Variants in CAP2 observed in about 807,000 individuals in gnomAD.
CAP2 encodes adenylyl cyclase-associated protein 2.
In CAP2, 24 loss-of-function variants were observed where a neutral mutation model predicts 57.7. The ratio of observed to expected loss-of-function variants is 0.42; its 90% CI spans 0.30 to 0.58. CAP2 has a LOEUF of 0.58. Ranked by LOEUF, CAP2 falls within the 20% of genes least tolerant of loss-of-function variation. The pLI is 0.22. For synonymous variants in CAP2, 194 were observed against 207.2 expected, an observed-to-expected ratio of 0.94 and a Z score of 0.55; for missense variants, 501 against 590.3, an observed-to-expected ratio of 0.85 and a Z score of 1.57.
rs79036567 is a variant in CAP2 at position 17,395,889 on chromosome 6, T to G, written c.-2+2143T>G. ...ATAGCTCATAGAATGGGAGGAAATA[T>G]TTAGGAATCATGTATCTGATAAGGG... On this transcript the variant is annotated intron_variant, in intron 1 of 12. Transcript: ENST00000229922. Among the ~76,000 whole-genome samples, 1,190 of 152,232 alleles carry G rather than the reference T, an allele frequency of 7.8e-3. 17 individuals carry two copies. The highest frequency in any genetic ancestry group is 0.027 in the African/African-American group (1,125 of 41,544).
At position 17,421,218 on chromosome 6, in the gene CAP2, C is replaced by T. The variant is rs192811212; in HGVS notation, c.-1-337C>T. Reference sequence around the variant, plus strand: ...ACGCAAAGGCATAAGAATGATATAACGGACTTTGGGGACTTGGGGAAAGGT... The same window carrying T: ...ACGCAAAGGCATAAGAATGATATAATGGACTTTGGGGACTTGGGGAAAGGT... On this transcript the variant is annotated intron_variant, in intron 1 of 12. Transcript: ENST00000229922. 1.1e-4 allele frequency among the ~76,000 whole-genome samples: 16 copies of T among 152,054 alleles called. No homozygotes were observed. In the East Asian group the frequency reaches 2.3e-3, roughly 22 times the overall value.
chr6:17,405,200 G>T (rs1758928195), intron 1 of CAP2, among the ~76,000 whole-genome samples: 1 of 152,096 alleles, frequency 6.6e-6, no homozygotes, highest in Admixed American at 6.6e-5. Context: ...TGGCCAACAT[G>T]GTGAAACCCC....
chr6:17,491,830 C>T (rs1434432458), intron 4 of CAP2, among the ~76,000 whole-genome samples: 1 of 152,208 alleles, frequency 6.6e-6, no homozygotes, highest in Non-Finnish European at 1.5e-5. Context: ...ATATAGAATA[C>T]AAAGTACAGT....
intron 7 of CAP2, among the ~76,000 whole-genome samples, chr6:17,521,258 C>CA (rs71536733): frequency 0.33 from 49,300 of 147,480 alleles, 8,593 homozygotes; most frequent in African/African-American, 0.47. Context: ...ACTAAAAATA[C>CA]AAAAAAAAAA....
At chr6:17,511,414 T>C (rs962175358) in intron 6 of CAP2, among the ~76,000 whole-genome samples, 21 of 152,288 alleles carry the variant, frequency 1.4e-4, no homozygotes, top group African/African-American at 5.1e-4. Flanking sequence ...TGTGCAACGC[T>C]TACCACCAGC....
intron 1 of CAP2, among the ~76,000 whole-genome samples, chr6:17,403,953 A>G (rs1758879803): frequency 6.6e-6 from 1 of 152,252 alleles, no homozygotes; most frequent in Non-Finnish European, 1.5e-5. Context: ...CAATCTAAAA[A>G]TGTGCAAGAG....
intron 7 of CAP2, among the ~76,000 whole-genome samples, chr6:17,522,863 C>T (rs1426329044): frequency 6.6e-6 from 1 of 152,140 alleles, no homozygotes; most frequent in Non-Finnish European, 1.5e-5. Context: ...GGCACGATCT[C>T]GGCTCATTGC....
intron 7 of CAP2, among the ~76,000 whole-genome samples, chr6:17,533,389 GC>G (rs1762696262): frequency 6.6e-6 from 1 of 152,018 alleles, no homozygotes; most frequent in South Asian, 2.1e-4. Flanking sequence ...CAGTACAGTA[GC>G]TTTTTAAAAA....
At chr6:17,497,623 TC>T (rs1231389273) in intron 4 of CAP2, among the ~76,000 whole-genome samples, 1 of 152,202 alleles carries the variant, frequency 6.6e-6, no homozygotes, top group Non-Finnish European at 1.5e-5. Flanking sequence ...ATTCAGCTAA[TC>T]CCATGCCCCT....
intron 6 of CAP2, among the ~76,000 whole-genome samples, chr6:17,510,505 A>G (rs907106318): frequency 6.6e-6 from 1 of 152,214 alleles, no homozygotes; most frequent in Non-Finnish European, 1.5e-5. Flanking sequence ...CACCCCGAGA[A>G]AACTTTGGTT....
chr6:17,551,242 G>C (rs1763165131), intron 11 of CAP2, among the ~76,000 whole-genome samples: 1 of 152,142 alleles, frequency 6.6e-6, no homozygotes, highest in Non-Finnish European at 1.5e-5. Context: ...ACTGAGGTTT[G>C]AGAATCCACT....
rs773700042 is a variant in CAP2 at position 17,542,892 on chromosome 6, T to C, written c.1058T>C (p.Val353Ala). The C allele has an allele frequency of 2.5e-6, 4 of 1,612,880 alleles. No homozygotes were observed. The highest frequency in any genetic ancestry group is 1.3e-5 in the African/African-American group (1 of 74,908). The part of the protein sequence containing the change: ...LVISETELKQ[V>A]AYIFKCEKST... The stretch of plus-strand genomic sequence containing the variant: ...ATTTCAGAGACTGAGCTGAAACAAG[T>C]GGCTTACATTTTCAAATGCGAAAAA... Residue 353 changes from valine to alanine, a missense_variant, in exon 10 of 13, where the codon GTG (valine) becomes GCG (alanine). Transcript: ENST00000229922.
At chr6:17,423,022 T>C (rs1759487128) in intron 2 of CAP2, among the ~76,000 whole-genome samples, 1 of 152,214 alleles carries the variant, frequency 6.6e-6, no homozygotes, top group South Asian at 2.1e-4. Context: ...CCAGGCAATC[T>C]GCATTTAATA....
rs755371607 is a variant in CAP2, at chr6:17,421,655, G to A, written c.100G>A (p.Glu34Lys). ...CCACAGGCCCCCTGGGAACTGCGGG[G>A]AAGTCAATGGTGTCATTGCAGGTAG... ...ESHRPPGNCG[E>K]VNGVIAGVAP... is the part of the protein sequence containing the mutation. Residue 34 changes from glutamate (E) to lysine (K), a missense_variant, in exon 2 of 13, where the codon GAA becomes AAA. Physicochemically the swap from Glu to Lys is moderately conservative, Grantham distance 56. Coordinates refer to ENST00000229922, the MANE Select transcript of CAP2 (RefSeq NM_006366.3). The A allele has an allele frequency of 1.9e-6, 3 of 1,614,220 alleles. No individual in the cohort carries two copies. In the South Asian group the frequency reaches 3.3e-5, roughly 18 times the overall value.
intron 12 of CAP2, among the ~76,000 whole-genome samples, chr6:17,555,339 C>T (rs1330457081): frequency 1.3e-5 from 2 of 151,610 alleles, no homozygotes; most frequent in Admixed American, 6.6e-5. Flanking sequence ...GGATTACAGT[C>T]ATGCGCCACC....
intron 3 of CAP2, among the ~76,000 whole-genome samples, chr6:17,430,720 G>T (rs577728273): frequency 5.3e-5 from 8 of 152,046 alleles, no homozygotes; most frequent in Non-Finnish European, 1.0e-4. Context: ...TGTATTTTTC[G>T]TAGAGACGGG....
intron 9 of CAP2, 138 bp downstream of exon 9, chr6:17,541,286 G>T: frequency 1.6e-6 from 1 of 632,138 alleles, no homozygotes; most frequent in Non-Finnish European, 2.7e-6. Flanking sequence ...ATATTTATGG[G>T]GTACCTGTGA....
chr6:17,513,239 A>C lies in CAP2; in HGVS notation c.531-610A>C, dbSNP rs1236399235. ...CCTTGCCTGGTTTGTATTGTCATTC[A>C]AAGTATTAAATTAAGGGAATTTAAG... On this transcript the variant is annotated intron_variant, in intron 6 of 12. Transcript: ENST00000229922. This position sits in a 1 kb window ranked among gnomAD's most constrained non-coding sequence, Gnocchi z 4.3. Among the ~76,000 whole-genome samples the C allele has an allele frequency of 6.6e-6, 1 of 152,150 alleles. No individual in the cohort carries two copies. The highest frequency in any genetic ancestry group is 2.4e-5 in the African/African-American group (1 of 41,430).
intron 7 of CAP2, 100 bp from the exon 8 acceptor site, chr6:17,539,169 C>A: frequency 9.1e-7 from 1 of 1,104,284 alleles, no homozygotes; most frequent in Non-Finnish European, 1.3e-6. Flanking sequence ...AGGCTTCAAC[C>A]CCACTCTCTC....
Sources: gnomAD v4.1 joint callset for allele counts (sites outside exome capture counted in the v4.1 genomes callset) on GRCh38, gnomAD v4.1.1 for gene constraint, Gnocchi (gnomAD v3.1) non-coding constraint, MANE v1.5 for transcripts, NCBI Gene and HGNC (gene_info 2026-07-23, HGNC 2026-07-21) for gene names.